The following DPP10 variants were observed in gnomAD, a reference collection of about 807,000 sequenced individuals.
The protein encoded by DPP10 is inactive dipeptidyl peptidase 10.
In DPP10, 33 loss-of-function variants were observed where a neutral mutation model predicts 120.9. The ratio of observed to expected loss-of-function variants is 0.27; its 90% CI spans 0.21 to 0.37. The LOEUF is 0.37. Among genes scored for constraint, DPP10 ranks in the 10% least tolerant of loss-of-function variants. The probability of loss-of-function intolerance (pLI) is 1.00; values close to 1 mark genes in which losing one functional copy is unlikely to be tolerated. For missense variants in DPP10, 816 were observed against 942.8 expected (o/e 0.87, Z 1.76); for synonymous variants, 337 against 326.1 (o/e 1.03, Z -0.36).
chr2:115,645,092 T>C (rs79834661), intron 5 of DPP10, among the ~76,000 whole-genome samples: 11,316 of 152,176 alleles, frequency 0.074, 425 homozygotes, highest in South Asian at 0.089. Flanking sequence ...ACCTTAATGA[T>C]ACCATGAAAA....
intron 3 of DPP10, among the ~76,000 whole-genome samples, chr2:115,344,703 G>A (rs1045002805): frequency 3.3e-5 from 5 of 152,098 alleles, no homozygotes; most frequent in Non-Finnish European, 7.4e-5. Context: ...GGCATAATGT[G>A]TTGGTGAAAA....
intron 1 of DPP10, among the ~76,000 whole-genome samples, chr2:114,725,261 T>TCCTCTCTA (rs1474739024): frequency 1.3e-5 from 2 of 152,184 alleles, no homozygotes; most frequent in Non-Finnish European, 2.9e-5. Context: ...CATTTCGAAC[T>TCCTCTCTA]CCTCTCTATC....
At chr2:114,559,891 C>CAAAAAAAAAAAA (rs60833358) in intron 1 of DPP10, among the ~76,000 whole-genome samples, 56 of 65,894 alleles carry the variant, frequency 8.5e-4, no homozygotes, top group South Asian at 1.4e-3. Flanking sequence ...AGAAAAAAAG[C>CAAAAAAAAAAAA]AAAAAAAAAA....
intron 3 of DPP10, among the ~76,000 whole-genome samples, chr2:115,425,113 G>T (rs2070335527): frequency 6.6e-6 from 1 of 152,148 alleles, no homozygotes; most frequent in Non-Finnish European, 1.5e-5. Context: ...TGAATGAGGG[G>T]CTCTAGCAGA....
intron 1 of DPP10, among the ~76,000 whole-genome samples, chr2:115,171,004 C>T (rs571802939): frequency 6.6e-5 from 10 of 152,246 alleles, no homozygotes; most frequent in South Asian, 4.1e-4. Context: ...CAGTTCCCTC[C>T]GCCTCTCTAC....
chr2:114,939,360 C>G (rs1443710267), intron 1 of DPP10, among the ~76,000 whole-genome samples: 1 of 152,012 alleles, frequency 6.6e-6, no homozygotes, highest in South Asian at 2.1e-4. Flanking sequence ...AACTATTTCG[C>G]TAAGTTGTGT....
At chr2:115,285,816 C>T (rs1179692792) in intron 1 of DPP10, among the ~76,000 whole-genome samples, 1 of 151,802 alleles carries the variant, frequency 6.6e-6, no homozygotes, top group African/African-American at 2.4e-5. Context: ...CTTCTTTTGC[C>T]CTATAGTCAC....
intron 1 of DPP10, among the ~76,000 whole-genome samples, chr2:114,513,283 G>T (rs549179930): frequency 1.2e-4 from 18 of 152,268 alleles, no homozygotes; most frequent in African/African-American, 4.3e-4. Flanking sequence ...AGCACTTTGG[G>T]AGGCCGAGGC....
At chr2:114,809,865 C>T (rs184979321) in intron 1 of DPP10, among the ~76,000 whole-genome samples, 2 of 152,314 alleles carry the variant, frequency 1.3e-5, no homozygotes, top group African/African-American at 4.8e-5. Flanking sequence ...CAGAGAAACA[C>T]TGCTATAAGA....
intron 1 of DPP10, among the ~76,000 whole-genome samples, chr2:114,458,076 T>C (rs892645120): frequency 1.3e-5 from 2 of 152,172 alleles, no homozygotes; most frequent in Admixed American, 1.3e-4. Flanking sequence ...ATACAGAGAC[T>C]GACTCAAAAA....
At chr2:115,295,752 T>A (rs1474931478) in intron 1 of DPP10, among the ~76,000 whole-genome samples, 1 of 152,094 alleles carries the variant, frequency 6.6e-6, no homozygotes, top group Non-Finnish European at 1.5e-5. Context: ...GTCTTAGCTG[T>A]AGCTGCCTCT....
At chr2:115,723,023 A>G (rs2092684164) in intron 7 of DPP10, among the ~76,000 whole-genome samples, 1 of 152,192 alleles carries the variant, frequency 6.6e-6, no homozygotes, top group Non-Finnish European at 1.5e-5. Flanking sequence ...TGCCAGAGCC[A>G]CTGCCAGAGG....
intron 7 of DPP10, among the ~76,000 whole-genome samples, chr2:115,699,786 T>C (rs2091803354): frequency 6.6e-6 from 1 of 152,170 alleles, no homozygotes; most frequent in Non-Finnish European, 1.5e-5. Context: ...CTCAACAAAA[T>C]ACTAATACAA....
At chr2:114,738,911 G>C (rs1043095878) in intron 1 of DPP10, among the ~76,000 whole-genome samples, 2 of 152,106 alleles carry the variant, frequency 1.3e-5, no homozygotes, top group Admixed American at 1.3e-4. Flanking sequence ...AGCTTAGGGT[G>C]CCTCATGGAA....
chr2:115,731,443 C>A (rs753506985), intron 8 of DPP10, among the ~76,000 whole-genome samples: 8 of 150,770 alleles, frequency 5.3e-5, no homozygotes, highest in Non-Finnish European at 1.2e-4. Flanking sequence ...GGGAGGATCA[C>A]CTAAGCCAGG....
chr2:115,297,060 T>C (rs1410650457), intron 1 of DPP10, among the ~76,000 whole-genome samples: 1 of 152,098 alleles, frequency 6.6e-6, no homozygotes, highest in Non-Finnish European at 1.5e-5. Flanking sequence ...ATGAAACAGT[T>C]TATAAATAGT....
At chr2:115,594,663 C>G (rs920175465) in intron 5 of DPP10, among the ~76,000 whole-genome samples, 10 of 152,096 alleles carry the variant, frequency 6.6e-5, no homozygotes, top group African/African-American at 2.2e-4. Flanking sequence ...CTATCCAGGT[C>G]CTTTCTATGA....
intron 7 of DPP10, among the ~76,000 whole-genome samples, chr2:115,690,735 A>T (rs954919107): frequency 5.3e-5 from 8 of 152,266 alleles, no homozygotes; most frequent in Non-Finnish European, 7.4e-5. Context: ...ATTCTTGTAC[A>T]TATCTCATGG....
At chr2:114,631,356 A>G (rs1158884517) in intron 1 of DPP10, among the ~76,000 whole-genome samples, 3 of 152,084 alleles carry the variant, frequency 2.0e-5, no homozygotes, top group Non-Finnish European at 4.4e-5. Context: ...ACTGCAGGCC[A>G]CGTTCCCCTG....
Sources: gnomAD v4.1 joint callset for allele counts (sites outside exome capture counted in the v4.1 genomes callset) on GRCh38, gnomAD v4.1.1 for gene constraint, MANE v1.5 for transcripts, NCBI Gene and HGNC (gene_info 2026-07-23, HGNC 2026-07-21) for gene names.